Variants in ZNF385D observed in about 807,000 individuals in gnomAD.
The protein encoded by ZNF385D is zinc finger protein 659.
Under a neutral mutation model 35.8 loss-of-function variants are expected in ZNF385D, and 15 were observed. The observed-to-expected ratio is 0.42, with a 90% CI of 0.28 to 0.64. The LOEUF (loss-of-function observed/expected upper bound fraction) is 0.64, where lower values mean the gene tolerates loss of function less well. ZNF385D is among the 30% of genes least tolerant of loss of function. ZNF385D has a pLI of 0.23. For missense variants in ZNF385D, 474 were observed against 494.6 expected (o/e 0.96, Z 0.39); for synonymous variants, 212 against 186.8 (o/e 1.13, Z -1.10).
chr3:21,760,935 G>A (rs995505559), intron 3 of ZNF385D, among the ~76,000 whole-genome samples: 1 of 152,118 alleles, frequency 6.6e-6, no homozygotes, highest in East Asian at 1.9e-4. Flanking sequence ...GGGCTGATCC[G>A]TGTAAACAGT....
At chr3:22,232,462 C>T (rs1432151689) in intron 2 of ZNF385D, among the ~76,000 whole-genome samples, 1 of 151,998 alleles carries the variant, frequency 6.6e-6, no homozygotes, top group East Asian at 1.9e-4. Context: ...GGTATACATA[C>T]ACGTGCCATG....
intron 3 of ZNF385D, among the ~76,000 whole-genome samples, chr3:22,137,432 G>A (rs1372238907): frequency 1.3e-5 from 2 of 152,090 alleles, no homozygotes; most frequent in East Asian, 3.9e-4. Context: ...ATAAAATACT[G>A]GCAAATCGAA....
intron 2 of ZNF385D, among the ~76,000 whole-genome samples, chr3:22,183,312 C>G (rs1695407544): frequency 6.6e-6 from 1 of 152,074 alleles, no homozygotes; most frequent in East Asian, 1.9e-4. Context: ...CTGCTCTTCT[C>G]AAGTGCTTTG....
chr3:21,948,348 A>G (rs1019040306), intron 3 of ZNF385D, among the ~76,000 whole-genome samples: 15 of 151,808 alleles, frequency 9.9e-5, no homozygotes, highest in East Asian at 7.7e-4. Context: ...AACATTCTGA[A>G]CCCAGAAACT....
At chr3:21,619,506 C>G (rs578181071) in intron 2 of ZNF385D, among the ~76,000 whole-genome samples, 4 of 151,904 alleles carry the variant, frequency 2.6e-5, no homozygotes, top group African/African-American at 4.8e-5. Context: ...TCTTTACTTT[C>G]TAAATTCATA....
chr3:22,057,381 C>T (rs1426216480), intron 3 of ZNF385D, among the ~76,000 whole-genome samples: 1 of 152,112 alleles, frequency 6.6e-6, no homozygotes, highest in Non-Finnish European at 1.5e-5. Context: ...CTAACATTAA[C>T]TGTGTTAGAA....
At chr3:21,935,157 G>A (rs761847639) in intron 3 of ZNF385D, among the ~76,000 whole-genome samples, 1 of 152,102 alleles carries the variant, frequency 6.6e-6, no homozygotes, top group Non-Finnish European at 1.5e-5. Context: ...TATAGAAAGA[G>A]AGGCTGTGGA....
At chr3:22,345,286 C>T (rs533429477) in intron 2 of ZNF385D, among the ~76,000 whole-genome samples, 7 of 152,136 alleles carry the variant, frequency 4.6e-5, no homozygotes, top group African/African-American at 1.7e-4. Flanking sequence ...AAAAGGTTTC[C>T]AACTCTTCAG....
chr3:21,574,089 T>TGAAA (rs1396222646), intron 2 of ZNF385D, among the ~76,000 whole-genome samples: 1 of 139,288 alleles, frequency 7.2e-6, no homozygotes, highest in Non-Finnish European at 1.5e-5. Context: ...AGGGAGGAAG[T>TGAAA]GAAAGAAAGA....
At chr3:22,171,993 G>C (rs913296810) in intron 2 of ZNF385D, among the ~76,000 whole-genome samples, 1 of 151,888 alleles carries the variant, frequency 6.6e-6, no homozygotes, top group Non-Finnish European at 1.5e-5. Flanking sequence ...CCCCAATATG[G>C]TAAAAACGAC....
chr3:21,654,254 G>A (rs1209980850), intron 2 of ZNF385D, among the ~76,000 whole-genome samples: 1 of 151,960 alleles, frequency 6.6e-6, no homozygotes, highest in Non-Finnish European at 1.5e-5. Context: ...AGACGTTCAA[G>A]AATTAACCAC....
chr3:21,428,766 C>G (rs1237899919), intron 5 of ZNF385D, among the ~76,000 whole-genome samples: 1 of 152,014 alleles, frequency 6.6e-6, no homozygotes, highest in African/African-American at 2.4e-5. Context: ...ACATTCCTTC[C>G]TCTGAGGAGA....
chr3:22,353,782 T>C (rs1400099265), intron 2 of ZNF385D, among the ~76,000 whole-genome samples: 2 of 152,142 alleles, frequency 1.3e-5, no homozygotes, highest in Non-Finnish European at 2.9e-5. Context: ...CACACTCTCA[T>C]CTTTACACTT....
Position 21,750,888 on chromosome 3 carries a change from C to T in ZNF385D, c.22+7G>A. The stretch of plus-strand genomic sequence containing the variant: ...CCCAGAATTACATCATCAGAGTGAA[C>T]ACTCACCAAAATACATTATGTTTCT... On this transcript the variant is annotated splice_region_variant and intron_variant, in intron 1 of 7. Coordinates refer to ENST00000281523, the MANE Select transcript of ZNF385D (RefSeq NM_024697.3). The T allele has an allele frequency of 6.2e-7, 1 of 1,614,142 alleles. No homozygotes were observed.
intron 3 of ZNF385D, among the ~76,000 whole-genome samples, chr3:22,080,559 G>A (rs1183857889): frequency 6.6e-6 from 1 of 151,536 alleles, no homozygotes; most frequent in Admixed American, 6.6e-5. Context: ...ATACATATAT[G>A]GTTGTAATAG....
intron 2 of ZNF385D, among the ~76,000 whole-genome samples, chr3:22,347,969 AATAAATTCCTGAAGAAATT>A (rs1695734407): frequency 6.6e-6 from 1 of 152,196 alleles, no homozygotes; most frequent in Non-Finnish European, 1.5e-5. Context: ...CTGAAATATG[AATAAATTCCTGAAGAAATT>A]ATAGTACCTC....
chr3:22,324,998 TA>T (rs1407355740), intron 2 of ZNF385D, among the ~76,000 whole-genome samples: 1 of 152,198 alleles, frequency 6.6e-6, no homozygotes, highest in African/African-American at 2.4e-5. Context: ...GAAATGAGGA[TA>T]AAAGTTATAA....
intron 3 of ZNF385D, among the ~76,000 whole-genome samples, chr3:21,965,455 T>TA (rs1385031445): frequency 6.6e-6 from 1 of 151,960 alleles, no homozygotes; most frequent in East Asian, 1.9e-4. Context: ...AATATGCTTT[T>TA]AAAAAATCTA....
chr3:22,069,330 A>G (rs1700119029), intron 3 of ZNF385D, among the ~76,000 whole-genome samples: 1 of 152,156 alleles, frequency 6.6e-6, no homozygotes, highest in South Asian at 2.1e-4. Context: ...AAACAAATCA[A>G]GCTCCTGGTA....
Sources: gnomAD v4.1 joint callset for allele counts (sites outside exome capture counted in the v4.1 genomes callset) on GRCh38, gnomAD v4.1.1 for gene constraint, MANE v1.5 for transcripts, NCBI Gene and HGNC (gene_info 2026-07-23, HGNC 2026-07-21) for gene names.